Variants in SFMBT2 observed in about 807,000 individuals in gnomAD.
SFMBT2 encodes the protein Scm like with four mbt domains 2, also known as scm-like with four MBT domains protein 2.
In SFMBT2, 38 loss-of-function variants were observed where a neutral mutation model predicts 110.1. The observed-to-expected ratio is 0.35, with a 90% CI of 0.27 to 0.45. The LOEUF is 0.45. Ranked by LOEUF, SFMBT2 falls within the 20% of genes least tolerant of loss-of-function variation. The pLI, the probability that SFMBT2 is intolerant of heterozygous loss-of-function variation, is 1.00. For missense variants in SFMBT2, 1,011 were observed against 1,094.9 expected (o/e 0.92, Z 1.08); for synonymous variants, 425 against 425.4 (o/e 1.00, Z 0.01).
chr10:7,178,217 C>T (rs1838136444), intron 16 of SFMBT2, among the ~76,000 whole-genome samples: 1 of 152,084 alleles, frequency 6.6e-6, no homozygotes, highest in African/African-American at 2.4e-5. Context: ...ATGGCTGCTG[C>T]CTGCTTGTAC....
intron 4 of SFMBT2, among the ~76,000 whole-genome samples, chr10:7,346,323 T>G (rs562383106): frequency 6.6e-6 from 1 of 152,370 alleles, no homozygotes; most frequent in African/African-American, 2.4e-5. Flanking sequence ...TGCTGTGTCT[T>G]GGTGATTGCT....
At chr10:7,328,564 C>T (rs544692582) in intron 4 of SFMBT2, among the ~76,000 whole-genome samples, 46 of 152,316 alleles carry the variant, frequency 3.0e-4, no homozygotes, top group African/African-American at 9.9e-4. Flanking sequence ...CTCTTCTAAA[C>T]GTTTTACAGC....
At chr10:7,289,253 G>A (rs1252933412) in intron 4 of SFMBT2, among the ~76,000 whole-genome samples, 1 of 152,274 alleles carries the variant, frequency 6.6e-6, no homozygotes, top group East Asian at 1.9e-4. Flanking sequence ...TTATAATCCA[G>A]CGATAAATGG....
At chr10:7,173,994 G>A (rs1837969969) in intron 17 of SFMBT2, among the ~76,000 whole-genome samples, 7 of 152,152 alleles carry the variant, frequency 4.6e-5, no homozygotes, top group Admixed American at 4.6e-4. Context: ...TTTCCTTCAG[G>A]CCTAAGACCC....
At chr10:7,306,288 C>G (rs1842692569) in intron 4 of SFMBT2, among the ~76,000 whole-genome samples, 1 of 152,202 alleles carries the variant, frequency 6.6e-6, no homozygotes, top group African/African-American at 2.4e-5. Flanking sequence ...CCTGTGTTTG[C>G]AAGGCTCAGA....
intron 1 of SFMBT2, among the ~76,000 whole-genome samples, chr10:7,407,098 G>C (rs1846237999): frequency 1.3e-5 from 2 of 152,146 alleles, no homozygotes; most frequent in Non-Finnish European, 2.9e-5. Context: ...ATTTATGGAA[G>C]GGAGAAAGCA....
intron 2 of SFMBT2, among the ~76,000 whole-genome samples, chr10:7,372,422 T>A (rs1845087623): frequency 6.6e-6 from 1 of 151,982 alleles, no homozygotes; most frequent in Non-Finnish European, 1.5e-5. Flanking sequence ...CAGTCAAACA[T>A]CCAAAAAAGA....
intron 9 of SFMBT2, 73 bp from the exon 10 acceptor site, chr10:7,228,010 G>C: frequency 8.7e-7 from 1 of 1,143,312 alleles, no homozygotes; most frequent in Non-Finnish European, 1.2e-6. Flanking sequence ...AAATCAGAAG[G>C]GGTGAAAGTT....
chr10:7,274,814 C>T (rs1389350451), intron 7 of SFMBT2, among the ~76,000 whole-genome samples: 5 of 151,812 alleles, frequency 3.3e-5, no homozygotes, highest in Admixed American at 3.3e-4. Context: ...ATGATCACCC[C>T]ACTGCACTCC....
intron 16 of SFMBT2, chr10:7,176,657 C>T (rs919997015): frequency 5.6e-5 from 14 of 251,334 alleles, no homozygotes; most frequent in Admixed American, 2.0e-4. Context: ...GAAATGGGGA[C>T]GATTTCCATT....
At chr10:7,364,012 T>A (rs1285055282) in intron 4 of SFMBT2, among the ~76,000 whole-genome samples, 1 of 151,982 alleles carries the variant, frequency 6.6e-6, no homozygotes, top group Non-Finnish European at 1.5e-5. Flanking sequence ...TGATATCAGG[T>A]CTCTAAGACA....
At chr10:7,233,108 T>C (rs149191823) in intron 9 of SFMBT2, among the ~76,000 whole-genome samples, 150 of 152,270 alleles carry the variant, frequency 9.9e-4, no homozygotes, top group African/African-American at 3.5e-3. Flanking sequence ...AAAATACATA[T>C]ACAATCTTAA....
chr10:7,348,042 A>T, intron 4 of SFMBT2: 1 of 350,292 alleles, frequency 2.9e-6, no homozygotes, highest in East Asian at 4.3e-5. Flanking sequence ...TCACAAAACA[A>T]ATCTAATGAA....
chr10:7,211,367 G>A (rs1219857438), intron 11 of SFMBT2, among the ~76,000 whole-genome samples: 2 of 152,074 alleles, frequency 1.3e-5, no homozygotes, highest in Non-Finnish European at 2.9e-5. Flanking sequence ...TGTGCTCACC[G>A]GGAAGTCACA....
chr10:7,214,424 C>G (rs1203359680), intron 11 of SFMBT2, among the ~76,000 whole-genome samples: 1 of 152,240 alleles, frequency 6.6e-6, no homozygotes, highest in Non-Finnish European at 1.5e-5. Context: ...CCCACCTCCA[C>G]CAACCAGTCA....
chr10:7,267,990 A>G (rs1841449259), intron 7 of SFMBT2, among the ~76,000 whole-genome samples: 1 of 152,232 alleles, frequency 6.6e-6, no homozygotes, highest in South Asian at 2.1e-4. Context: ...TTTCTTATTT[A>G]TAGATCTTTT....
intron 4 of SFMBT2, among the ~76,000 whole-genome samples, chr10:7,355,097 C>T (rs937507338): frequency 6.6e-6 from 1 of 152,192 alleles, no homozygotes; most frequent in Non-Finnish European, 1.5e-5. Context: ...TATACCCAGT[C>T]TACTTCATCT....
chr10:7,171,669 G>A lies in SFMBT2; in HGVS notation c.2415+226C>T. 5.1e-6 allele frequency: 4 copies of A among 782,514 alleles called. No homozygotes were observed. The highest frequency in any genetic ancestry group is 6.2e-6 in the Non-Finnish European group (4 of 644,810). The allele number at this position is 782,514 out of a possible 1,614,324, so 48.5% of individuals were successfully genotyped here. On this transcript the variant is annotated intron_variant, in intron 19 of 20. Coordinates refer to ENST00000397167, the MANE Select transcript of SFMBT2 (RefSeq NM_001387889.1). This position sits in a 1 kb window ranked among gnomAD's most constrained non-coding sequence, Gnocchi z 4.9. ...ACCCAGGTGGCACTAAAGCCGTCCA[G>A]GAAAGAGGCGCTGTCTCCACCCTGG...
At chr10:7,292,555 T>A (rs1164024676) in intron 4 of SFMBT2, among the ~76,000 whole-genome samples, 1 of 152,158 alleles carries the variant, frequency 6.6e-6, no homozygotes, top group African/African-American at 2.4e-5. Flanking sequence ...AAGATATAAC[T>A]TGTAAAGAAT....
Sources: allele counts gnomAD v4.1 joint callset (sites outside exome capture counted in the v4.1 genomes callset), GRCh38; gene constraint gnomAD v4.1.1; non-coding constraint Gnocchi (gnomAD v3.1); transcripts MANE v1.5; gene names NCBI Gene and HGNC (gene_info 2026-07-23, HGNC 2026-07-21).